The following WWOX variants were observed in gnomAD, a reference collection of about 807,000 sequenced individuals.
The protein encoded by WWOX is WW domain containing oxidoreductase.
A neutral mutation model predicts 46.2 loss-of-function variants in WWOX; 69 were observed. The observed-to-expected ratio is 1.49, with a 90% confidence interval of 1.23 to 1.82. The LOEUF (loss-of-function observed/expected upper bound fraction) is 1.82, where lower values mean the gene tolerates loss of function less well. WWOX is among the 40% of genes most tolerant of loss of function. The pLI is 0.00. For synonymous variants in WWOX, 359 were observed against 202.6 expected (o/e 1.77, Z -6.56); for missense variants, 919 against 542.6 (o/e 1.69, Z -6.89).
chr16:79,076,924 C>G (rs2048668121), intron 8 of WWOX, among the ~76,000 whole-genome samples: 1 of 152,192 alleles, frequency 6.6e-6, no homozygotes, highest in Non-Finnish European at 1.5e-5. Flanking sequence ...CATGCTTACC[C>G]TGAGAGAAAG....
chr16:78,135,084 C>A (rs1334919137), intron 4 of WWOX, among the ~76,000 whole-genome samples: 1 of 152,172 alleles, frequency 6.6e-6, no homozygotes, highest in Non-Finnish European at 1.5e-5. Flanking sequence ...AAACCTGACT[C>A]CCACCATTCC....
At chr16:78,637,561 G>A (rs1023129049) in intron 8 of WWOX, among the ~76,000 whole-genome samples, 1 of 152,190 alleles carries the variant, frequency 6.6e-6, no homozygotes, top group Admixed American at 6.5e-5. Flanking sequence ...AAATTCGGTT[G>A]CTTTGGAACC....
intron 8 of WWOX, among the ~76,000 whole-genome samples, chr16:78,972,640 C>T (rs1369616964): frequency 6.6e-6 from 1 of 152,122 alleles, no homozygotes; most frequent in African/African-American, 2.4e-5. Context: ...ACATCCCACC[C>T]TCTGTTTCTG....
In WWOX at chr16:78,669,649, G is replaced by A. The variant is rs187356028; in HGVS notation, c.1056+236897G>A. ...AGTTTCAGATATCCAACACAAATAC[G>A]TCACTTGTTTCTGTTCCAAAAGTAT... On this transcript the variant is annotated intron_variant, in intron 8 of 8. Transcript: ENST00000566780. Among the ~76,000 whole-genome samples, 8 of 152,258 alleles carry A rather than the reference G, an allele frequency of 5.3e-5. No homozygotes were observed. In the East Asian group the frequency reaches 7.7e-4, roughly 15 times the overall value.
chr16:78,497,428 G>A (rs889541229), intron 8 of WWOX, among the ~76,000 whole-genome samples: 64 of 152,116 alleles, frequency 4.2e-4, no homozygotes, highest in African/African-American at 1.5e-3. Flanking sequence ...TTTTGTATAT[G>A]AACCGAAAAA....
chr16:78,268,905 A>T (rs1311888056), intron 5 of WWOX, among the ~76,000 whole-genome samples: 3 of 152,164 alleles, frequency 2.0e-5, no homozygotes, highest in Non-Finnish European at 4.4e-5. Context: ...CTATTCCTTC[A>T]TCTAATTCTA....
chr16:79,124,178 C>A (rs1365369190), intron 8 of WWOX, among the ~76,000 whole-genome samples: 2 of 152,086 alleles, frequency 1.3e-5, no homozygotes, highest in Non-Finnish European at 2.9e-5. Context: ...GTTGTCAATT[C>A]TGCCCGTTGC....
At chr16:78,262,677 C>G (rs2079272073) in intron 5 of WWOX, among the ~76,000 whole-genome samples, 1 of 152,070 alleles carries the variant, frequency 6.6e-6, no homozygotes, top group African/African-American at 2.4e-5. Context: ...GACAGGAACT[C>G]AGGAGGAGGG....
At chr16:78,824,171 T>C (rs1374322812) in intron 8 of WWOX, among the ~76,000 whole-genome samples, 1 of 152,238 alleles carries the variant, frequency 6.6e-6, no homozygotes, top group Admixed American at 6.5e-5. Flanking sequence ...TTTAGAAATA[T>C]ATGAAGGTTA....
chr16:78,384,017 C>T (rs182606753), intron 5 of WWOX, among the ~76,000 whole-genome samples: 4 of 152,198 alleles, frequency 2.6e-5, no homozygotes, highest in African/African-American at 9.7e-5. Flanking sequence ...AAGTTACTTA[C>T]AGAGAAGACT....
intron 8 of WWOX, among the ~76,000 whole-genome samples, chr16:78,995,381 G>GGT (rs1396953408): frequency 6.6e-6 from 1 of 151,980 alleles, no homozygotes; most frequent in Non-Finnish European, 1.5e-5. Flanking sequence ...CGTTCTTTGG[G>GGT]GTAGGACATG....
chr16:78,442,734 C>T (rs575186024), intron 8 of WWOX, among the ~76,000 whole-genome samples: 3 of 152,080 alleles, frequency 2.0e-5, no homozygotes, highest in Admixed American at 6.6e-5. Context: ...AATCCCAGCA[C>T]TTTGGGAGGC....
chr16:79,156,268 C>T (rs1353343719), intron 8 of WWOX, among the ~76,000 whole-genome samples: 1 of 152,180 alleles, frequency 6.6e-6, no homozygotes, highest in Admixed American at 6.5e-5. Flanking sequence ...CTCAAGCAAT[C>T]CTCCCACGTC....
intron 8 of WWOX, among the ~76,000 whole-genome samples, chr16:78,866,782 T>A (rs1216148483): frequency 6.6e-6 from 1 of 152,248 alleles, no homozygotes; most frequent in Non-Finnish European, 1.5e-5. Flanking sequence ...GGGGACAGTC[T>A]GTAATGTATC....
intron 8 of WWOX, among the ~76,000 whole-genome samples, chr16:78,510,039 G>A (rs1156455822): frequency 6.6e-6 from 1 of 151,486 alleles, no homozygotes. Flanking sequence ...TCTGGCCTGG[G>A]CAACAAAGAG....
chr16:78,208,277 G>A (rs989320266), intron 5 of WWOX, among the ~76,000 whole-genome samples: 1 of 152,164 alleles, frequency 6.6e-6, no homozygotes, highest in African/African-American at 2.4e-5. Context: ...AGGAGATAAC[G>A]AAGGCAGAAA....
At chr16:78,581,605 T>C (rs1315437434) in intron 8 of WWOX, among the ~76,000 whole-genome samples, 1 of 152,156 alleles carries the variant, frequency 6.6e-6, no homozygotes, top group Admixed American at 6.6e-5. Flanking sequence ...GTAAATGCAC[T>C]GAAACATGGA....
chr16:78,841,682 A>G lies in WWOX; in HGVS notation c.1057-369926A>G, dbSNP rs546523503. Among the ~76,000 whole-genome samples the G allele has an allele frequency of 1.6e-3, 241 of 152,290 alleles. 1 individual carries two copies. Among genetic ancestry groups the G allele is most frequent in the Non-Finnish European group, 2.9e-3 (194 of 68,034 alleles). ...GAATCCAAACCTATAAGTAGGTGCAAACATTAGACGATTTCATTTTGGGCT... is the reference window on the plus strand; with the variant it reads ...GAATCCAAACCTATAAGTAGGTGCAGACATTAGACGATTTCATTTTGGGCT... On this transcript the variant is annotated intron_variant, in intron 8 of 8. Transcript: ENST00000566780.
At chr16:78,148,217 C>T (rs1026041733) in intron 4 of WWOX, among the ~76,000 whole-genome samples, 1 of 152,180 alleles carries the variant, frequency 6.6e-6, no homozygotes, top group Non-Finnish European at 1.5e-5. Context: ...TACTTCTAAA[C>T]AACCAGAAAC....
Sources: allele counts gnomAD v4.1 joint callset (sites outside exome capture counted in the v4.1 genomes callset), GRCh38; gene constraint gnomAD v4.1.1; transcripts MANE v1.5; gene names NCBI Gene and HGNC (gene_info 2026-07-23, HGNC 2026-07-21).